SSBP3: variants seen among roughly 807,000 people sequenced by gnomAD.
SSBP3 encodes single stranded DNA binding protein 3, also known as single-stranded DNA-binding protein 3.
A neutral mutation model predicts 69.6 loss-of-function variants in SSBP3; 5 were observed. The ratio of observed to expected loss-of-function variants is 0.07; its 90% CI spans 0.04 to 0.15. The LOEUF is 0.15. SSBP3 is among the 10% of genes least tolerant of loss of function. The pLI is 1.00. For synonymous variants in SSBP3, 196 were observed against 193.4 expected, an observed-to-expected ratio of 1.01 and a Z score of -0.11; for missense variants, 312 against 534.0, an observed-to-expected ratio of 0.58 and a Z score of 4.10.
At chr1:54,267,301 A>G (rs544196218) in intron 5 of SSBP3, among the ~76,000 whole-genome samples, 170 of 152,316 alleles carry the variant, frequency 1.1e-3, no homozygotes, top group African/African-American at 3.9e-3. Flanking sequence ...CCCAATATCC[A>G]TAACATATGT....
At chr1:54,387,986 G>A (rs762058908) in intron 4 of SSBP3, among the ~76,000 whole-genome samples, 12 of 152,126 alleles carry the variant, frequency 7.9e-5, no homozygotes, top group Admixed American at 6.5e-4. Flanking sequence ...ATTCACACAC[G>A]TCACTCAAGA....
rs367912341 is a variant in SSBP3 at position 54,343,844 on chromosome 1, T to A, written c.276+58017A>T. 1.1e-3 allele frequency among the ~76,000 whole-genome samples: 169 copies of A among 152,274 alleles called. 4 individuals carry two copies. In the South Asian group the frequency reaches 0.029, roughly 26 times the overall value. ...GGAAAGACATTGGTTCTTGGCAACATCAATCACAAAAAGCTTTGGACCAGG... is the reference window on the plus strand; with the variant it reads ...GGAAAGACATTGGTTCTTGGCAACAACAATCACAAAAAGCTTTGGACCAGG... On this transcript the variant is annotated intron_variant, in intron 4 of 17. Transcript: ENST00000610401.
At chr1:54,350,155 C>A (rs914634754) in intron 4 of SSBP3, among the ~76,000 whole-genome samples, 5 of 152,168 alleles carry the variant, frequency 3.3e-5, no homozygotes, top group African/African-American at 1.2e-4. Context: ...GTGTGAAGAT[C>A]TGGGAAGCTG....
chr1:54,226,786 C>A, exon 18 of SSBP3: 1 of 217,322 alleles, frequency 4.6e-6, no homozygotes, highest in Non-Finnish European at 9.2e-6. Context: ...TAAAAAAATC[C>A]CAACAATGGT....
intron 14 of SSBP3, among the ~76,000 whole-genome samples, chr1:54,232,390 G>A (rs1446868077): frequency 1.3e-5 from 2 of 152,160 alleles, no homozygotes; most frequent in African/African-American, 4.8e-5. Context: ...CTGAATAGCT[G>A]GGACTACAGG....
intron 4 of SSBP3, among the ~76,000 whole-genome samples, chr1:54,352,603 G>A (rs1646797652): frequency 6.6e-6 from 1 of 152,180 alleles, no homozygotes; most frequent in Non-Finnish European, 1.5e-5. Flanking sequence ...ACAAGGCAAG[G>A]GGAGGGCGGG....
intron 4 of SSBP3, among the ~76,000 whole-genome samples, chr1:54,334,046 A>C (rs551957623): frequency 5.8e-4 from 88 of 152,012 alleles, no homozygotes; most frequent in African/African-American, 2.1e-3. Flanking sequence ...ACAGAGCAAG[A>C]CCCTCTCTCA....
Position 54,370,041 on chromosome 1 carries a change from G to C in SSBP3, c.276+31820C>G, listed in dbSNP as rs79195282. Among the ~76,000 whole-genome samples, 573 of 152,240 alleles carry C rather than the reference G, an allele frequency of 3.8e-3. 5 individuals are homozygous for C. Among genetic ancestry groups the C allele is most frequent in the African/African-American group, 0.012 (500 of 41,516 alleles). ...CTCTAAGCTTCCTTCAACTGGGAGG[G>C]TTCCATCATGTCTCCACAATTAGCT... On this transcript the variant is annotated intron_variant, in intron 4 of 17. Coordinates refer to ENST00000610401, the Ensembl canonical transcript of SSBP3.
At chr1:54,239,584 G>A (rs879168864) in intron 13 of SSBP3, among the ~76,000 whole-genome samples, 1 of 152,202 alleles carries the variant, frequency 6.6e-6, no homozygotes, top group African/African-American at 2.4e-5. Flanking sequence ...ATCAAATCAG[G>A]GAAAGGGAAA....
intron 14 of SSBP3, chr1:54,236,757 G>T (rs1442004235): frequency 6.6e-6 from 1 of 152,158 alleles, no homozygotes; most frequent in East Asian, 1.9e-4. Context: ...GCATTCTCCT[G>T]TCTATAAAGT....
intron 4 of SSBP3, among the ~76,000 whole-genome samples, chr1:54,318,580 G>A (rs1030732018): frequency 1.3e-5 from 2 of 152,140 alleles, no homozygotes; most frequent in Admixed American, 6.5e-5. Flanking sequence ...GGAGGATAAA[G>A]CTTTCCAAGC....
chr1:54,254,540 GCTT>G (rs917155512), intron 7 of SSBP3, among the ~76,000 whole-genome samples: 1 of 152,190 alleles, frequency 6.6e-6, no homozygotes, highest in African/African-American at 2.4e-5. Context: ...CTGACCCTTT[GCTT>G]CTTGTTTCCC....
At chr1:54,370,993 G>T (rs1395864690) in intron 4 of SSBP3, among the ~76,000 whole-genome samples, 1 of 152,050 alleles carries the variant, frequency 6.6e-6, no homozygotes, top group Non-Finnish European at 1.5e-5. Flanking sequence ...ATACCCCAGG[G>T]CTCAGTGATT....
intron 5 of SSBP3, among the ~76,000 whole-genome samples, chr1:54,280,096 T>C (rs1466331231): frequency 6.6e-6 from 1 of 152,128 alleles, no homozygotes; most frequent in Non-Finnish European, 1.5e-5. Context: ...TCCCTCTCTC[T>C]CCTCCCACCA....
chr1:54,236,119 ATTTT>A (rs147285753), intron 14 of SSBP3, among the ~76,000 whole-genome samples: 2 of 150,154 alleles, frequency 1.3e-5, no homozygotes. Context: ...GTGTTTATGT[ATTTT>A]TTTTTTCTTT....
At chr1:54,279,766 G>A (rs1469370326) in intron 5 of SSBP3, among the ~76,000 whole-genome samples, 3 of 152,386 alleles carry the variant, frequency 2.0e-5, no homozygotes, top group Non-Finnish European at 4.4e-5. Context: ...GCCTTGGTGA[G>A]GATGAACCTC....
chr1:54,279,599 C>G (rs1645354199), intron 5 of SSBP3, among the ~76,000 whole-genome samples: 1 of 152,264 alleles, frequency 6.6e-6, no homozygotes, highest in African/African-American at 2.4e-5. Flanking sequence ...AGCATGGTAC[C>G]TCGGTGGGTC....
At chr1:54,231,070 A>G (rs4061073) in intron 14 of SSBP3, among the ~76,000 whole-genome samples, 41,910 of 152,136 alleles carry the variant, frequency 0.28, 5,903 homozygotes, top group Non-Finnish European at 0.31. Context: ...CCCAATTACC[A>G]TATCACAGCA....
chr1:54,367,526 C>T (rs1647048318), intron 4 of SSBP3, among the ~76,000 whole-genome samples: 1 of 152,218 alleles, frequency 6.6e-6, no homozygotes, highest in East Asian at 1.9e-4. Flanking sequence ...ACTGCTCAAG[C>T]AGTGTTGGAA....
Sources: allele counts gnomAD v4.1 joint callset (sites outside exome capture counted in the v4.1 genomes callset), GRCh38; gene constraint gnomAD v4.1.1; transcripts MANE v1.5; gene names NCBI Gene and HGNC (gene_info 2026-07-23, HGNC 2026-07-21).